The following TBC1D1 variants were observed in gnomAD, a reference collection of about 807,000 sequenced individuals.
TBC1D1 encodes the protein TBC1 (tre-2/USP6, BUB2, cdc16) domain family, member 1.
Under a neutral mutation model 125.6 loss-of-function variants are expected in TBC1D1, and 89 were observed. The observed-to-expected ratio is 0.71, with a 90% CI of 0.60 to 0.85. TBC1D1 has a LOEUF of 0.85. Among genes scored for constraint, TBC1D1 ranks in the 40% least tolerant of loss-of-function variants. TBC1D1 has a pLI of 0.00. For missense variants in TBC1D1, 1,377 were observed against 1,469.2 expected (o/e 0.94, Z 1.03); for synonymous variants, 565 against 564.1 (o/e 1.00, Z -0.02).
chr4:37,938,886 T>A (rs1560503710), intron 2 of TBC1D1, among the ~76,000 whole-genome samples: 1 of 152,226 alleles, frequency 6.6e-6, no homozygotes, highest in Non-Finnish European at 1.5e-5. Flanking sequence ...TAGTATTCCA[T>A]GGTGTATATG....
At chr4:38,063,427 C>T (rs1480448201) in intron 12 of TBC1D1, among the ~76,000 whole-genome samples, 2 of 151,986 alleles carry the variant, frequency 1.3e-5, no homozygotes. Flanking sequence ...ACAGGCAGCC[C>T]TGCAAGGGAA....
intron 8 of TBC1D1, among the ~76,000 whole-genome samples, chr4:38,042,770 C>G (rs1314907503): frequency 6.6e-6 from 1 of 152,196 alleles, no homozygotes; most frequent in Non-Finnish European, 1.5e-5. Flanking sequence ...CAACCCCTGG[C>G]AAATGCTCAC....
chr4:38,094,186 C>T (rs1301359040), intron 13 of TBC1D1, among the ~76,000 whole-genome samples: 1 of 152,136 alleles, frequency 6.6e-6, no homozygotes, highest in African/African-American at 2.4e-5. Flanking sequence ...ATGGTGGCAG[C>T]TGGCAAGGCA....
Position 38,133,123 on chromosome 4 carries a change from G to A in TBC1D1, c.3172G>A (p.Glu1058Lys). The A allele has an allele frequency of 6.2e-7, 1 of 1,614,134 alleles. No individual in the cohort carries two copies. Among genetic ancestry groups the A allele is most frequent in the Non-Finnish European group, 8.5e-7 (1 of 1,180,014 alleles). The change falls in exon 19 of 20, where the codon GAA becomes AAA. Residue 1058 changes from glutamate (E) to lysine (K), a missense_variant. Coordinates refer to ENST00000261439, the MANE Select transcript of TBC1D1 (RefSeq NM_015173.4). ...CATCGCTAAACAGTTACAAGCTTAT[G>A]AAGTTGAGTACCACGTCCTTCAAGA...
intron 2 of TBC1D1, among the ~76,000 whole-genome samples, chr4:38,011,863 C>T (rs1488884637): frequency 2.0e-5 from 3 of 152,120 alleles, no homozygotes; most frequent in Non-Finnish European, 4.4e-5. Context: ...TTCTTCTGAC[C>T]CTGGGAATCC....
intron 2 of TBC1D1, among the ~76,000 whole-genome samples, chr4:37,981,415 T>C (rs542827660): frequency 4.6e-5 from 7 of 152,328 alleles, no homozygotes; most frequent in Admixed American, 1.3e-4. Flanking sequence ...AACCTACCTA[T>C]AATAGGTACT....
intron 14 of TBC1D1, 22 bp downstream of exon 16, chr4:38,096,112 C>G: frequency 6.2e-7 from 1 of 1,601,794 alleles, no homozygotes; most frequent in South Asian, 1.1e-5. Context: ...TGGGAAGCAT[C>G]TAGTCAACCT....
chr4:38,106,366 C>T (rs1761297505), intron 15 of TBC1D1, among the ~76,000 whole-genome samples: 1 of 152,198 alleles, frequency 6.6e-6, no homozygotes, highest in African/African-American at 2.4e-5. Context: ...TTCCCTGGGA[C>T]CCTCTGAGCG....
At chr4:37,972,151 C>T (rs905151991) in intron 2 of TBC1D1, among the ~76,000 whole-genome samples, 5 of 152,290 alleles carry the variant, frequency 3.3e-5, no homozygotes, top group Admixed American at 2.0e-4. Flanking sequence ...GTTCTCAATT[C>T]TGACTGCATG....
chr4:37,902,586 T>A, intron 2 of TBC1D1, 74 bp downstream of exon 2: 2 of 1,168,828 alleles, frequency 1.7e-6, no homozygotes, highest in Non-Finnish European at 2.4e-6. Flanking sequence ...AGGATATTTA[T>A]TTTAAGTATA....
chr4:38,007,403 C>A (rs759275494), intron 2 of TBC1D1, among the ~76,000 whole-genome samples: 2 of 152,058 alleles, frequency 1.3e-5, no homozygotes, highest in Non-Finnish European at 2.9e-5. Flanking sequence ...CAGGCGCCTG[C>A]CACCACGCCT....
At chr4:37,987,637 A>G (rs1735727944) in intron 2 of TBC1D1, among the ~76,000 whole-genome samples, 1 of 152,200 alleles carries the variant, frequency 6.6e-6, no homozygotes, top group Non-Finnish European at 1.5e-5. Flanking sequence ...GAATTTTGTG[A>G]TGTTCTCAGT....
intron 4 of TBC1D1, among the ~76,000 whole-genome samples, chr4:38,018,862 C>T (rs184034080): frequency 2.0e-5 from 3 of 152,180 alleles, no homozygotes; most frequent in African/African-American, 7.2e-5. Context: ...AGTATTCTCC[C>T]TTCAAATATA....
chr4:38,066,271 T>G (rs942484102), intron 12 of TBC1D1, among the ~76,000 whole-genome samples: 8 of 151,980 alleles, frequency 5.3e-5, no homozygotes, highest in Admixed American at 6.6e-5. Flanking sequence ...GCAACTTTTT[T>G]TTTTTTTTTT....
intron 2 of TBC1D1, among the ~76,000 whole-genome samples, chr4:37,981,325 TTTTAAAACATTGGTTTATCTAGCCACCA>T (rs1734296238): frequency 6.6e-6 from 1 of 152,222 alleles, no homozygotes; most frequent in African/African-American, 2.4e-5. Context: ...TGGGCATTAC[TTTTAAAACATTGGTTTATCTAGCCACCA>T]TTCATTCAAC....
chr4:38,127,393 T>C (rs1764834889), intron 18 of TBC1D1, among the ~76,000 whole-genome samples: 1 of 150,460 alleles, frequency 6.6e-6, no homozygotes, highest in Non-Finnish European at 1.5e-5. Context: ...TTTTTTTTTT[T>C]TTTTTTTTTG....
chr4:37,965,129 A>C (rs774377138), intron 2 of TBC1D1, among the ~76,000 whole-genome samples: 2 of 152,244 alleles, frequency 1.3e-5, no homozygotes, highest in African/African-American at 2.4e-5. Flanking sequence ...CAGAATAAGT[A>C]ATACCTTGCA....
At chr4:38,042,399 C>T (rs1211299130) in intron 8 of TBC1D1, among the ~76,000 whole-genome samples, 2 of 151,550 alleles carry the variant, frequency 1.3e-5, no homozygotes, top group South Asian at 2.1e-4. Flanking sequence ...GGATTACAGG[C>T]GTGCACCACC....
At chr4:38,128,563 G>A (rs370997417) in intron 18 of TBC1D1, among the ~76,000 whole-genome samples, 4 of 152,138 alleles carry the variant, frequency 2.6e-5, no homozygotes, top group African/African-American at 9.7e-5. Context: ...GATAGCTGTG[G>A]TTCCATTTCA....
Sources: allele counts gnomAD v4.1 joint callset (sites outside exome capture counted in the v4.1 genomes callset), GRCh38; gene constraint gnomAD v4.1.1; transcripts MANE v1.5; gene names NCBI Gene and HGNC (gene_info 2026-07-23, HGNC 2026-07-21).